The following CADPS2 variants were observed in gnomAD, a reference collection of about 807,000 sequenced individuals.
CADPS2 encodes calcium-dependent secretion activator 2.
A neutral mutation model predicts 172.5 loss-of-function variants in CADPS2; 93 were observed. The ratio of observed to expected loss-of-function variants is 0.54; its 90% CI spans 0.46 to 0.64. CADPS2 has a LOEUF of 0.64. Ranked by LOEUF, CADPS2 falls within the 30% of genes least tolerant of loss-of-function variation. CADPS2 has a pLI of 0.00. For synonymous variants in CADPS2, 546 were observed against 555.2 expected (o/e 0.98, Z 0.23); for missense variants, 1,420 against 1,565.9 (o/e 0.91, Z 1.57).
chr7:122,393,581 T>C lies in CADPS2; in HGVS notation c.2748A>G (p.Thr916=). 1 of 1,613,744 alleles carries C rather than the reference T, an allele frequency of 6.2e-7. No homozygotes were observed. The highest frequency in any genetic ancestry group is 1.1e-5 in the South Asian group (1 of 91,060). Residue 916 remains threonine, a splice_region_variant and synonymous_variant, in exon 21 of 30, where the codon ACA becomes ACG. Transcript: ENST00000449022. ...QLLNNFLRND[T]LLCNGKFHKH... ...TGTGAAATTTTCCATTACACAAAAG[T>C]GCTGAAATAGCCAAGCAGAAACAGT...
chr7:122,771,347 T>C (rs2093698675), intron 1 of CADPS2, among the ~76,000 whole-genome samples: 1 of 152,216 alleles, frequency 6.6e-6, no homozygotes, highest in Non-Finnish European at 1.5e-5. Context: ...CTATGGATAT[T>C]ACTATAATGT....
At chr7:122,484,594 C>A (rs2057616445) in intron 11 of CADPS2, among the ~76,000 whole-genome samples, 1 of 151,150 alleles carries the variant, frequency 6.6e-6, no homozygotes, top group African/African-American at 2.4e-5. Flanking sequence ...GGCAAAGATC[C>A]TTTAGTTATA....
At chr7:122,549,636 G>A (rs1436291918) in intron 8 of CADPS2, among the ~76,000 whole-genome samples, 1 of 151,088 alleles carries the variant, frequency 6.6e-6, no homozygotes, top group Admixed American at 6.6e-5. Context: ...AAAAAGATTA[G>A]TATTAATTAA....
At chr7:122,635,105 G>A (rs981753885) in intron 3 of CADPS2, among the ~76,000 whole-genome samples, 1 of 152,136 alleles carries the variant, frequency 6.6e-6, no homozygotes, top group Non-Finnish European at 1.5e-5. Context: ...GTGTGCAGAT[G>A]AGAAGAATGT....
rs11370822 is a variant in CADPS2, at chr7:122,642,279, C to CAAA, written c.787-12954_787-12952dup. 2.4e-3 allele frequency among the ~76,000 whole-genome samples: 297 copies of CAAA among 124,808 alleles called. 2 individuals are homozygous for CAAA. Among genetic ancestry groups the CAAA allele is most frequent in the South Asian group, 7.0e-3 (26 of 3,740 alleles). 81.9% of individuals were successfully genotyped at this position (124,808 alleles called of 152,430 possible). A position where few individuals can be genotyped will look rare whatever the true frequency, so the allele number is the denominator to read the frequency against. Reference sequence around the variant, plus strand: ...TGGAAGGCACAGTGAGACTCCATCTCAAAAAAAAAAAAAAAAGGAGAAATT... The same window carrying CAAA: ...TGGAAGGCACAGTGAGACTCCATCTCAAAAAAAAAAAAAAAAAAAGGAGAAATT... On this transcript the variant is annotated intron_variant, in intron 3 of 29. Coordinates refer to ENST00000449022, the MANE Select transcript of CADPS2 (RefSeq NM_017954.11).
intron 14 of CADPS2, among the ~76,000 whole-genome samples, chr7:122,464,576 C>G (rs923567351): frequency 6.6e-6 from 1 of 151,962 alleles, no homozygotes; most frequent in Non-Finnish European, 1.5e-5. Context: ...CAAATACTAC[C>G]AGGATGTCAC....
chr7:122,857,816 GTTACAGT>G (rs1815734942), intron 1 of CADPS2, among the ~76,000 whole-genome samples: 1 of 152,164 alleles, frequency 6.6e-6, no homozygotes, highest in South Asian at 2.1e-4. Context: ...CTCAGTGAGT[GTTACAGT>G]TCTTAAGGAT....
rs771401502 is a variant in CADPS2 at position 122,621,445 on chromosome 7, T to C, written c.1104+36A>G. On this transcript the variant is annotated intron_variant, in intron 5 of 29. Transcript: ENST00000449022. ...AGAAATTATTGTGCATCATCATTTA[T>C]GCTGTCAGAGGTGAGCATGAGATAA... 6.1e-6 allele frequency: 8 copies of C among 1,303,772 alleles called. No individual in the cohort carries two copies. The African/African-American group carries it at 1.0e-4, about 17-fold the overall frequency. 80.8% of individuals were successfully genotyped at this position (1,303,772 alleles called of 1,614,324 possible).
intron 2 of CADPS2, among the ~76,000 whole-genome samples, chr7:122,666,547 T>A (rs922919690): frequency 1.3e-5 from 2 of 152,084 alleles, no homozygotes; most frequent in African/African-American, 4.8e-5. Context: ...TTTCACCATG[T>A]TGGCCAGGCT....
chr7:122,826,627 G>GGA (rs1804955767), intron 1 of CADPS2, among the ~76,000 whole-genome samples: 1 of 149,850 alleles, frequency 6.7e-6, no homozygotes, highest in African/African-American at 2.5e-5. Flanking sequence ...AATTTATGAA[G>GGA]AAAAAAAAAT....
chr7:122,850,935 G>C (rs1256914046), intron 1 of CADPS2, among the ~76,000 whole-genome samples: 1 of 152,120 alleles, frequency 6.6e-6, no homozygotes, highest in Non-Finnish European at 1.5e-5. Flanking sequence ...TTCTTACCCT[G>C]CCCAGCATAT....
At chr7:122,359,372 C>A (rs2039840799) in intron 27 of CADPS2, among the ~76,000 whole-genome samples, 1 of 152,048 alleles carries the variant, frequency 6.6e-6, no homozygotes, top group Non-Finnish European at 1.5e-5. Flanking sequence ...CCAAGTGAAT[C>A]TTTGTAAGGG....
intron 6 of CADPS2, among the ~76,000 whole-genome samples, chr7:122,599,697 A>T (rs1275000354): frequency 6.6e-6 from 1 of 152,118 alleles, no homozygotes; most frequent in Non-Finnish European, 1.5e-5. Flanking sequence ...TTTTCTTTCT[A>T]AACTTGAAAG....
chr7:122,719,470 G>A (rs188392482), intron 2 of CADPS2, among the ~76,000 whole-genome samples: 27 of 152,180 alleles, frequency 1.8e-4, no homozygotes, highest in Middle Eastern at 3.4e-3. Context: ...GTGCAATGAC[G>A]CCAATTTGAA....
intron 1 of CADPS2, among the ~76,000 whole-genome samples, chr7:122,814,210 TTGATGGTAA>T (rs77391624): frequency 0.2 from 29,880 of 151,416 alleles, 3,039 homozygotes; most frequent in Middle Eastern, 0.29. Context: ...AGCAGAGGTT[TTGATGGTAA>T]TAACGTGACT....
intron 2 of CADPS2, among the ~76,000 whole-genome samples, chr7:122,732,124 A>G (rs1417046063): frequency 6.6e-6 from 1 of 151,802 alleles, no homozygotes; most frequent in East Asian, 1.9e-4. Flanking sequence ...CCACCCAAGA[A>G]AACACCACAT....
At chr7:122,733,980 A>G (rs1487263374) in intron 2 of CADPS2, among the ~76,000 whole-genome samples, 1 of 151,912 alleles carries the variant, frequency 6.6e-6, no homozygotes, top group African/African-American at 2.4e-5. Flanking sequence ...AATAAATGAA[A>G]TTGCTTTTCA....
chr7:122,444,591 C>A lies in CADPS2; in HGVS notation c.2289-3016G>T, dbSNP rs143288048. 6.1e-3 allele frequency among the ~76,000 whole-genome samples: 931 copies of A among 152,126 alleles called. 9 individuals are homozygous for A. Among genetic ancestry groups the A allele is most frequent in the Middle Eastern group, 0.01 (3 of 294 alleles). ...ATGACGTTGAGCATCTTTCCATATGCCTTTTTGTATAATATTCCTTTGGTG... is the reference window on the plus strand; with the variant it reads ...ATGACGTTGAGCATCTTTCCATATGACTTTTTGTATAATATTCCTTTGGTG... On this transcript the variant is annotated intron_variant, in intron 15 of 29. Transcript: ENST00000449022.
chr7:122,584,429 G>A (rs76814467), intron 6 of CADPS2, among the ~76,000 whole-genome samples: 4,982 of 151,844 alleles, frequency 0.033, 259 homozygotes, highest in African/African-American at 0.11. Flanking sequence ...TATAGCATCT[G>A]TTATGTCCTT....
Sources: allele counts gnomAD v4.1 joint callset (sites outside exome capture counted in the v4.1 genomes callset), GRCh38; gene constraint gnomAD v4.1.1; transcripts MANE v1.5; gene names NCBI Gene and HGNC (gene_info 2026-07-23, HGNC 2026-07-21).